PRAM1: variants seen among roughly 807,000 people sequenced by gnomAD.
PRAM1 encodes PML-RARA regulated adaptor molecule 1.
In PRAM1, 41 loss-of-function variants were observed where a neutral mutation model predicts 55.3. The observed-to-expected ratio is 0.74, with a 90% confidence interval of 0.58 to 0.96. PRAM1 has a LOEUF of 0.96. PRAM1 is among the 40% of genes least tolerant of loss of function. The probability of loss-of-function intolerance (pLI) is 0.00; values close to 1 mark genes in which losing one functional copy is unlikely to be tolerated. For synonymous variants in PRAM1, 401 were observed against 387.1 expected, an observed-to-expected ratio of 1.04 and a Z score of -0.42; for missense variants, 898 against 892.7, an observed-to-expected ratio of 1.01 and a Z score of -0.08.
rs200650827 is a variant in PRAM1, at chr19:8,501,258, AT to A, written c.27+1306del. ...AGGTGTCTGCCACGACGCCTGGCTA[AT>A]TTTTTTTGTATTTTTAATGGAAACA... On this transcript the variant is annotated intron_variant, in intron 1 of 9. Coordinates refer to ENST00000423345, the MANE Select transcript of PRAM1 (RefSeq NM_032152.5). Among the ~76,000 whole-genome samples, 513 of 150,232 alleles carry A rather than the reference AT, an allele frequency of 3.4e-3. 4 individuals are homozygous for A. The highest frequency in any genetic ancestry group is 0.011 in the African/African-American group (455 of 40,854).
chr19:8,496,669 T>C (rs1971703515), intron 4 of PRAM1, among the ~76,000 whole-genome samples: 1 of 151,296 alleles, frequency 6.6e-6, no homozygotes, highest in Non-Finnish European at 1.5e-5. Flanking sequence ...AGGTTGCAGT[T>C]AGCCAAGATC....
chr19:8,491,004 C>G lies in PRAM1; in HGVS notation c.1635-9G>C, dbSNP rs762172209. 1.2e-6 allele frequency: 2 copies of G among 1,613,316 alleles called. No homozygotes were observed. The highest frequency in any genetic ancestry group is 2.2e-5 in the South Asian group (2 of 91,084). On this transcript the variant is annotated splice_polypyrimidine_tract_variant and intron_variant, in intron 5 of 9. Transcript: ENST00000423345. Reference sequence around the variant, plus strand: ...GGGGATCCTTCTCCTTCCTGATAGCCCCCACCAAGGAATTGTGTGCTCGTG... The same window carrying G: ...GGGGATCCTTCTCCTTCCTGATAGCGCCCACCAAGGAATTGTGTGCTCGTG...
intron 1 of PRAM1, among the ~76,000 whole-genome samples, chr19:8,500,825 G>A (rs1001598368): frequency 1.3e-5 from 2 of 152,144 alleles, no homozygotes; most frequent in African/African-American, 2.4e-5. Context: ...GAGTGCAATG[G>A]CGCGATCTCG....
At chr19:8,496,569 A>G (rs1971702273) in intron 4 of PRAM1, among the ~76,000 whole-genome samples, 2 of 151,956 alleles carry the variant, frequency 1.3e-5, no homozygotes, top group Admixed American at 1.3e-4. Context: ...TACTAAAAAT[A>G]CAAAAAGTAG....
At chr19:8,496,392 C>T (rs946285911) in intron 4 of PRAM1, among the ~76,000 whole-genome samples, 7 of 151,084 alleles carry the variant, frequency 4.6e-5, no homozygotes, top group African/African-American at 1.5e-4. Context: ...CCAGCCTGGG[C>T]GATAACAGAG....
chr19:8,498,293 T>G lies in PRAM1; in HGVS notation c.1433-4A>C. On this transcript the variant is annotated splice_polypyrimidine_tract_variant and splice_region_variant and intron_variant, in intron 2 of 9. Coordinates refer to ENST00000423345, the MANE Select transcript of PRAM1 (RefSeq NM_032152.5). ...GCCGAGCGGGTCCTCCGTAGATCTGTGGGGTAGAGAGTAGGGCAGGGAAGC... is the reference window on the plus strand; with the variant it reads ...GCCGAGCGGGTCCTCCGTAGATCTGGGGGGTAGAGAGTAGGGCAGGGAAGC... 3 of 1,611,348 alleles carry G rather than the reference T, an allele frequency of 1.9e-6. No homozygotes were observed. Among genetic ancestry groups the G allele is most frequent in the Non-Finnish European group, 2.5e-6 (3 of 1,179,162 alleles).
In PRAM1 at chr19:8,497,857, G is replaced by A; in HGVS notation, c.1500-17C>T. ...TCTGGGACCCTGCGGGGATACCTGAGATGAGGCCTCTTCTTTTTTTTTTTT... is the reference window on the plus strand; with the variant it reads ...TCTGGGACCCTGCGGGGATACCTGAAATGAGGCCTCTTCTTTTTTTTTTTT... On this transcript the variant is annotated splice_polypyrimidine_tract_variant and intron_variant, in intron 3 of 9. Transcript: ENST00000423345. The A allele has an allele frequency of 1.1e-6, 1 of 950,694 alleles. No individual in the cohort carries two copies. The highest frequency in any genetic ancestry group is 2.6e-5 in the East Asian group (1 of 37,778). The allele number at this position is 950,694 out of a possible 1,614,324, so 58.9% of individuals were successfully genotyped here. A position where few individuals can be genotyped will look rare whatever the true frequency, so the allele number is the denominator to read the frequency against.
At chr19:8,491,186 G>T in intron 4 of PRAM1, 29 bp from the exon 5 acceptor site, 1 of 1,601,578 alleles carries the variant, frequency 6.2e-7, no homozygotes. Flanking sequence ...CCGAGTCAAG[G>T]CAGGGCCCGC....
chr19:8,491,795 C>A (rs1971633714), intron 4 of PRAM1: 1 of 154,402 alleles, frequency 6.5e-6, no homozygotes, highest in South Asian at 2.0e-4. Flanking sequence ...CCCAACTTGT[C>A]CACAAGGAAA....
At position 8,490,790 on chromosome 19, in the gene PRAM1, C is replaced by CT; in HGVS notation, c.1744-35dup. 6.2e-7 allele frequency: 1 copy of CT among 1,606,664 alleles called. No individual in the cohort carries two copies. The highest frequency in any genetic ancestry group is 8.5e-7 in the Non-Finnish European group (1 of 1,178,870). On this transcript the variant is annotated intron_variant, in intron 6 of 9. Transcript: ENST00000423345. The surrounding 1 kb of genome is among the most constrained non-coding windows in gnomAD (Gnocchi z 7.3). The stretch of plus-strand genomic sequence containing the variant: ...CGAGATGTTAGGGCCTCTGCTTGTG[C>CT]TGCCGCCCTTGGGCCCCTGTCTTCT...
Position 8,498,230 on chromosome 19 carries a change from T to C in PRAM1, c.1492A>G (p.Ile498Val). The C allele has an allele frequency of 6.2e-7, 1 of 1,612,410 alleles. No homozygotes were observed. The highest frequency in any genetic ancestry group is 8.5e-7 in the Non-Finnish European group (1 of 1,179,514). Residue 498 changes from isoleucine (I) to valine (V), a missense_variant, in exon 3 of 10, where the codon ATC (isoleucine) becomes GTC (valine). Around this residue, in one of 4 missense-constraint regions of PRAM1, gnomAD observed 787 missense variants for 735.4 expected, o/e 1.07. Coordinates refer to ENST00000423345, the MANE Select transcript of PRAM1 (RefSeq NM_032152.5). ...CTTCCTCCCCACACTCACTGCGGGATGTCTTCAGGCTGTCGGTCCTGGAAG... is the reference window on the plus strand; with the variant it reads ...CTTCCTCCCCACACTCACTGCGGGACGTCTTCAGGCTGTCGGTCCTGGAAG... ...LHFQDRQPED[I>V]PQVPDEIYEL...
intron 1 of PRAM1, among the ~76,000 whole-genome samples, chr19:8,501,167 C>T (rs1362002737): frequency 6.7e-6 from 1 of 148,892 alleles, no homozygotes; most frequent in Non-Finnish European, 1.5e-5. Flanking sequence ...GGTGGAATCT[C>T]GCCATACTGC....
chr19:8,490,894 T>G lies in PRAM1; in HGVS notation c.1736A>C (p.Lys579Thr), dbSNP rs1971615546. 1 of 1,613,298 alleles carries G rather than the reference T, an allele frequency of 6.2e-7. No individual in the cohort carries two copies. Among genetic ancestry groups the G allele is most frequent in the African/African-American group, 1.3e-5 (1 of 74,922 alleles). The change falls in exon 6 of 10, where the codon AAG becomes ACG. Residue 579 changes from lysine (K) to threonine (T), a missense_variant. This residue lies in a region of PRAM1 where 787 missense variants were observed against 735.4 expected (regional missense o/e 1.07). Coordinates refer to ENST00000423345, the MANE Select transcript of PRAM1 (RefSeq NM_032152.5). This position sits in a 1 kb window ranked among gnomAD's most constrained non-coding sequence, Gnocchi z 7.3. Reference sequence around the variant, plus strand: ...TTAGCTCAGAGGCCTCACCTTGAACTTCTTCCGGAACTCCCTCTCGGCCTT... The same window carrying G: ...TTAGCTCAGAGGCCTCACCTTGAACGTCTTCCGGAACTCCCTCTCGGCCTT... ...AEKAEREFRK[K>T]FKFEGEIVVH...
At position 8,498,758 on chromosome 19, in the gene PRAM1, G is replaced by C. The variant is rs770302295; in HGVS notation, c.1050C>G (p.Arg350=). The change falls in exon 2 of 10, where the codon CGC becomes CGG. Residue 350 remains arginine (R), a synonymous_variant. Transcript: ENST00000423345. Reference sequence around the variant, plus strand: ...GTGAGAACTTGCGGGGTGGCCCCCGGCGCTCCGGCTGCAGCAGCTTCCTGG... The same window carrying C: ...GTGAGAACTTGCGGGGTGGCCCCCGCCGCTCCGGCTGCAGCAGCTTCCTGG... ...SLPRKLLQPE[R]RGPPRKFSQP... is the part of the protein sequence containing the mutation. 29 of 1,573,074 alleles carry C rather than the reference G, an allele frequency of 1.8e-5. No homozygotes were observed. In the South Asian group the frequency reaches 2.0e-4, roughly 11 times the overall value.
chr19:8,491,649 G>C (rs114763518), intron 4 of PRAM1: 29 of 190,592 alleles, frequency 1.5e-4, no homozygotes, highest in Non-Finnish European at 3.0e-4. Context: ...TTTCTCAGGG[G>C]TCATGGGTTC....
At position 8,499,063 on chromosome 19, in the gene PRAM1, C is replaced by T. The variant is rs746579251; in HGVS notation, c.745G>A (p.Ala249Thr). The T allele has an allele frequency of 2.5e-6, 4 of 1,613,622 alleles. No homozygotes were observed. Among genetic ancestry groups the T allele is most frequent in the Non-Finnish European group, 3.4e-6 (4 of 1,179,812 alleles). The part of the protein sequence containing the change: ...KSVPQPEFSE[A>T]AQTPLWKPQS... ...GGCTTCCAGAGGGGAGTCTGAGCGG[C>T]CTCGCTGAACTCAGGCTGCGGCACG... is the stretch of plus-strand genomic sequence containing the variant. The change falls in exon 2 of 10, where the codon GCC becomes ACC. Residue 249 changes from alanine to threonine, a missense_variant. Around this residue, in one of 4 missense-constraint regions of PRAM1, gnomAD observed 787 missense variants for 735.4 expected, o/e 1.07. Coordinates refer to ENST00000423345, the MANE Select transcript of PRAM1 (RefSeq NM_032152.5).
rs1389989298 is a variant in PRAM1, at chr19:8,499,045, A to G, written c.763T>C (p.Trp255Arg). 9 of 1,613,240 alleles carry G rather than the reference A, an allele frequency of 5.6e-6. No individual in the cohort carries two copies. Among genetic ancestry groups the G allele is most frequent in the Non-Finnish European group, 7.6e-6 (9 of 1,179,708 alleles). Reference protein sequence around the residue: ...EFSEAAQTPLWKPQSSEPKRD... With the variant: ...EFSEAAQTPLRKPQSSEPKRD... ...TTCGGCTCGCTGGACTGAGGCTTCC[A>G]GAGGGGAGTCTGAGCGGCCTCGCTG... is the stretch of plus-strand genomic sequence containing the variant. Residue 255 changes from tryptophan to arginine, a missense_variant, in exon 2 of 10, where the codon TGG becomes CGG. By Grantham distance (101) the Trp-to-Arg change is moderately radical (BLOSUM62 -3). This residue lies in a region of PRAM1 where 787 missense variants were observed against 735.4 expected (regional missense o/e 1.07). Coordinates refer to ENST00000423345, the MANE Select transcript of PRAM1 (RefSeq NM_032152.5).
intron 4 of PRAM1, chr19:8,492,014 C>G (rs1222662848): frequency 6.6e-6 from 1 of 152,474 alleles, no homozygotes; most frequent in Non-Finnish European, 1.5e-5. Flanking sequence ...TCACTGCAAC[C>G]TCCACCTCCT....
chr19:8,495,391 C>T lies in PRAM1; in HGVS notation c.1576+2373G>A, dbSNP rs58166385. Among the ~76,000 whole-genome samples the T allele has an allele frequency of 8.7e-3, 1,331 of 152,216 alleles. 23 individuals carry two copies. The highest frequency in any genetic ancestry group is 0.03 in the African/African-American group (1,255 of 41,520). ...CTGGGATTACAGGCGTGAGCCACCA[C>T]GCCCGGCCCCAGCTAGTTTTTTTAT... On this transcript the variant is annotated intron_variant, in intron 4 of 9. Coordinates refer to ENST00000423345, the MANE Select transcript of PRAM1 (RefSeq NM_032152.5).
Sources: allele counts gnomAD v4.1 joint callset (sites outside exome capture counted in the v4.1 genomes callset), GRCh38; gene constraint gnomAD v4.1.1; regional missense constraint gnomAD v4.1.1; non-coding constraint Gnocchi (gnomAD v3.1); transcripts MANE v1.5; gene names NCBI Gene and HGNC (gene_info 2026-07-23, HGNC 2026-07-21).